UVRAG: variants seen among roughly 807,000 people sequenced by gnomAD.
UVRAG encodes the protein UV radiation resistance-associated gene protein.
Under a neutral mutation model 78.0 loss-of-function variants are expected in UVRAG, and 19 were observed. That is an observed-to-expected ratio of 0.24 (90% CI 0.17 to 0.36). The LOEUF (loss-of-function observed/expected upper bound fraction) is 0.36, where lower values mean the gene tolerates loss of function less well. Among genes scored for constraint, UVRAG ranks in the 10% least tolerant of loss-of-function variants. The pLI is 1.00. For missense variants in UVRAG, 740 were observed against 853.8 expected (o/e 0.87, Z 1.66); for synonymous variants, 323 against 324.6 (o/e 1.00, Z 0.05).
intron 11 of UVRAG, among the ~76,000 whole-genome samples, chr11:76,010,656 A>G (rs1950033424): frequency 6.6e-6 from 1 of 152,224 alleles, no homozygotes; most frequent in African/African-American, 2.4e-5. Flanking sequence ...CTTATAAGAT[A>G]TCTATATCTG....
chr11:75,943,982 TGCTGTAGAGGTGCAGAGAATTTATTA>T (rs1238630279), intron 6 of UVRAG, among the ~76,000 whole-genome samples: 1 of 152,146 alleles, frequency 6.6e-6, no homozygotes, highest in East Asian at 1.9e-4. Flanking sequence ...CTGCTGTAGG[TGCTGTAGAGGTGCAGAGAATTTATTA>T]GGCATTTAAA....
chr11:76,131,289 C>T (rs1218777771), intron 14 of UVRAG, among the ~76,000 whole-genome samples: 2 of 152,178 alleles, frequency 1.3e-5, no homozygotes, highest in East Asian at 1.9e-4. Flanking sequence ...ACTGTGTATT[C>T]CCTGATCCCA....
chr11:76,005,506 TA>T (rs1366081244), intron 9 of UVRAG, among the ~76,000 whole-genome samples: 1 of 152,230 alleles, frequency 6.6e-6, no homozygotes, highest in Non-Finnish European at 1.5e-5. Flanking sequence ...TTTAGATAAC[TA>T]AAAAACCAGT....
intron 3 of UVRAG, among the ~76,000 whole-genome samples, chr11:75,875,182 G>T (rs749643775): frequency 6.6e-6 from 1 of 152,152 alleles, no homozygotes; most frequent in Non-Finnish European, 1.5e-5. Context: ...CCCTTCTTTA[G>T]ATTTACTCTT....
intron 3 of UVRAG, among the ~76,000 whole-genome samples, chr11:75,866,376 T>TTAATTAAATA (rs1946540565): frequency 6.7e-6 from 1 of 150,238 alleles, no homozygotes; most frequent in African/African-American, 2.5e-5. Context: ...AATAAATAAA[T>TTAATTAAATA]AAATAAAATA....
At position 75,815,523 on chromosome 11, in the gene UVRAG, A is replaced by C; in HGVS notation, c.116A>C (p.Gln39Pro). The part of the protein sequence containing the change: ...RALHVELPSQ[Q>P]RRLRHLRNIA... The stretch of plus-strand genomic sequence containing the variant: ...CTGCATGTGGAGCTGCCGTCTCAGC[A>C]GGTAAGCCCGCGCGGCTCGCAGCAC... The change falls in exon 1 of 15, where the codon CAG becomes CCG. Residue 39 changes from glutamine to proline, a missense_variant and splice_region_variant. Coordinates refer to ENST00000356136, the MANE Select transcript of UVRAG (RefSeq NM_003369.4). The C allele has an allele frequency of 8.1e-7, 1 of 1,234,744 alleles. No homozygotes were observed. Among genetic ancestry groups the C allele is most frequent in the Non-Finnish European group, 1.0e-6 (1 of 988,568 alleles). 76.5% of individuals were successfully genotyped at this position (1,234,744 alleles called of 1,614,324 possible). A position where few individuals can be genotyped will look rare whatever the true frequency, so the allele number is the denominator to read the frequency against.
chr11:76,050,869 T>C (rs1045092923), intron 12 of UVRAG, among the ~76,000 whole-genome samples: 1 of 152,212 alleles, frequency 6.6e-6, no homozygotes, highest in African/African-American at 2.4e-5. Context: ...GAGTAGCATG[T>C]TCTAGTTCAT....
chr11:75,848,354 GCTTTAATTATA>G (rs1946080738), intron 1 of UVRAG, among the ~76,000 whole-genome samples: 1 of 152,202 alleles, frequency 6.6e-6, no homozygotes, highest in Non-Finnish European at 1.5e-5. Flanking sequence ...CACAGTCAGT[GCTTTAATTATA>G]GTTGGTCAGT....
chr11:76,137,237 G>A (rs530515862), intron 14 of UVRAG: 1 of 432,692 alleles, frequency 2.3e-6, no homozygotes, highest in African/African-American at 2.0e-5. Context: ...AAAGGGTATA[G>A]TGGCCACTGC....
At chr11:75,887,263 A>G (rs1471953672) in intron 4 of UVRAG, among the ~76,000 whole-genome samples, 1 of 151,908 alleles carries the variant, frequency 6.6e-6, no homozygotes, top group Non-Finnish European at 1.5e-5. Context: ...CTCCTGCCTC[A>G]GCCTCCCGAG....
At chr11:76,104,944 A>C (rs566089329) in intron 13 of UVRAG, among the ~76,000 whole-genome samples, 1 of 152,210 alleles carries the variant, frequency 6.6e-6, no homozygotes, top group Admixed American at 6.5e-5. Flanking sequence ...TGTGTTTTCC[A>C]TACATAGGAA....
At chr11:75,978,362 C>G (rs1035103341) in intron 7 of UVRAG, among the ~76,000 whole-genome samples, 2 of 152,084 alleles carry the variant, frequency 1.3e-5, no homozygotes, top group African/African-American at 2.4e-5. Flanking sequence ...TTGCTCTTCT[C>G]GAGGAGTATC....
At chr11:75,903,840 C>T (rs1438407460) in intron 5 of UVRAG, among the ~76,000 whole-genome samples, 1 of 152,172 alleles carries the variant, frequency 6.6e-6, no homozygotes, top group Admixed American at 6.5e-5. Flanking sequence ...ATGTATAATG[C>T]TATTTGCTTC....
chr11:75,926,526 G>A (rs569576718), intron 6 of UVRAG, among the ~76,000 whole-genome samples: 6 of 152,274 alleles, frequency 3.9e-5, no homozygotes, highest in Non-Finnish European at 8.8e-5. Flanking sequence ...TTAAACTCAT[G>A]AAAAATTCAG....
chr11:76,129,792 T>A (rs1952479121), intron 14 of UVRAG, among the ~76,000 whole-genome samples: 1 of 152,060 alleles, frequency 6.6e-6, no homozygotes, highest in Non-Finnish European at 1.5e-5. Context: ...CAGCCTGCAG[T>A]CTCCCACCAT....
intron 14 of UVRAG, 58 bp downstream of exon 14, chr11:76,116,073 C>A: frequency 1.3e-6 from 2 of 1,516,754 alleles, no homozygotes; most frequent in Non-Finnish European, 1.8e-6. Context: ...TCCTGAAAAT[C>A]TTTTCTGACT....
chr11:75,912,411 A>G (rs773599383), intron 6 of UVRAG, among the ~76,000 whole-genome samples: 4 of 152,170 alleles, frequency 2.6e-5, no homozygotes, highest in African/African-American at 4.8e-5. Flanking sequence ...GGCCCCAAAC[A>G]TGGCTTTGAG....
chr11:76,079,308 A>T (rs1182665136), intron 13 of UVRAG, among the ~76,000 whole-genome samples: 2 of 151,984 alleles, frequency 1.3e-5, no homozygotes, highest in African/African-American at 2.4e-5. Context: ...GCACAACAAG[A>T]CCTCATCTCT....
chr11:75,910,316 A>G (rs962049288), intron 5 of UVRAG, among the ~76,000 whole-genome samples: 2 of 152,212 alleles, frequency 1.3e-5, no homozygotes, highest in African/African-American at 2.4e-5. Context: ...TAATTCCCGC[A>G]TTTTGTGAGG....
Sources: allele counts gnomAD v4.1 joint callset (sites outside exome capture counted in the v4.1 genomes callset), GRCh38; gene constraint gnomAD v4.1.1; transcripts MANE v1.5; gene names NCBI Gene and HGNC (gene_info 2026-07-23, HGNC 2026-07-21).